Variants in NBAS observed in about 807,000 individuals in gnomAD.
The protein encoded by NBAS is NBAS subunit of NRZ tethering complex, also known as NAG/BC035112 fusion.
NBAS carries 219 observed loss-of-function variants against 302.5 expected under a neutral mutation model. The observed-to-expected ratio is 0.72, with a 90% confidence interval of 0.65 to 0.81. The LOEUF is 0.81. NBAS is among the 30% of genes least tolerant of loss of function. The probability of loss-of-function intolerance (pLI) is 0.00; values close to 1 mark genes in which losing one functional copy is unlikely to be tolerated. For synonymous variants in NBAS, 1,118 were observed against 1,021.6 expected (o/e 1.09, Z -1.80); for missense variants, 2,932 against 2,841.6 (o/e 1.03, Z -0.72).
intron 12 of NBAS, chr2:15,483,467 T>TA: frequency 3.9e-6 from 1 of 253,878 alleles, no homozygotes; most frequent in Non-Finnish European, 8.3e-6. Flanking sequence ...TAATAAAACT[T>TA]GAGAGAAAAA....
chr2:15,081,369 C>T, the NBAS span, among the ~76,000 whole-genome samples: 3 of 152,192 alleles, frequency 2.0e-5, no homozygotes, highest in Non-Finnish European at 4.4e-5. Flanking sequence ...AAACTCAGGT[C>T]GTTTATGGAT....
At chr2:14,990,899 G>A in the NBAS span, among the ~76,000 whole-genome samples, 1 of 152,192 alleles carries the variant, frequency 6.6e-6, no homozygotes, top group Non-Finnish European at 1.5e-5. Context: ...GGAAACAAAT[G>A]AAGAAATAGA....
At chr2:15,243,128 T>G (rs1421364998) in intron 44 of NBAS, among the ~76,000 whole-genome samples, 2 of 152,176 alleles carry the variant, frequency 1.3e-5, no homozygotes, top group African/African-American at 4.8e-5. Context: ...TAAAGAGCAC[T>G]GCAACGGTTC....
the NBAS span, among the ~76,000 whole-genome samples, chr2:14,955,851 G>T: frequency 1.3e-5 from 2 of 152,164 alleles, no homozygotes; most frequent in Non-Finnish European, 2.9e-5. Flanking sequence ...TGATAAGAGG[G>T]ACTGCCATGA....
intron 14 of NBAS, among the ~76,000 whole-genome samples, chr2:15,474,549 TTTC>T (rs57852145): frequency 6.4e-4 from 95 of 147,812 alleles, no homozygotes; most frequent in African/African-American, 1.5e-3. Flanking sequence ...AGCCTGTTTT[TTTC>T]TTCTTCTTCT....
the NBAS span, among the ~76,000 whole-genome samples, chr2:14,898,408 C>A: frequency 4.6e-5 from 7 of 152,150 alleles, no homozygotes; most frequent in African/African-American, 1.7e-4. Context: ...CCATTAAAAA[C>A]AACAAATGGC....
intron 48 of NBAS, among the ~76,000 whole-genome samples, chr2:15,207,210 T>G (rs1392915201): frequency 1.3e-5 from 2 of 152,234 alleles, no homozygotes; most frequent in South Asian, 2.1e-4. Context: ...AAGATGAATT[T>G]GGAGCTTTAA....
chr2:14,878,871 A>T, the NBAS span, among the ~76,000 whole-genome samples: 3 of 152,160 alleles, frequency 2.0e-5, no homozygotes, highest in Admixed American at 6.5e-5. Flanking sequence ...CTATGGGTTT[A>T]GACAAACATA....
In NBAS at chr2:15,462,005, G is replaced by A. The variant is rs541922864; in HGVS notation, c.2098-214C>T. Among the ~76,000 whole-genome samples the A allele has an allele frequency of 1.2e-4, 18 of 151,964 alleles. No individual in the cohort carries two copies. In the East Asian group the frequency reaches 3.1e-3, roughly 26 times the overall value. Reference sequence around the variant, plus strand: ...TTAATAAATGTTATTTTTTTAATCCGGAAGTAAATGAAATAGGCAGTAAAA... The same window carrying A: ...TTAATAAATGTTATTTTTTTAATCCAGAAGTAAATGAAATAGGCAGTAAAA... On this transcript the variant is annotated intron_variant, in intron 19 of 51. Coordinates refer to ENST00000281513, the MANE Select transcript of NBAS (RefSeq NM_015909.4).
the NBAS span, among the ~76,000 whole-genome samples, chr2:15,123,112 C>T: frequency 6.6e-6 from 1 of 152,158 alleles, no homozygotes; most frequent in Non-Finnish European, 1.5e-5. Context: ...AGCCTGGGAG[C>T]AGCAGGCTTT....
the NBAS span, among the ~76,000 whole-genome samples, chr2:15,153,275 T>C: frequency 6.6e-6 from 1 of 152,166 alleles, no homozygotes; most frequent in Non-Finnish European, 1.5e-5. Context: ...CATAGGCAGA[T>C]ACAATACATT....
chr2:14,848,382 G>A, the NBAS span, among the ~76,000 whole-genome samples: 33 of 136,668 alleles, frequency 2.4e-4, 3 homozygotes, highest in South Asian at 2.6e-3. Context: ...GCTTAAAAAC[G>A]GCGCACCACG....
chr2:15,032,340 T>G, the NBAS span, among the ~76,000 whole-genome samples: 6 of 152,174 alleles, frequency 3.9e-5, no homozygotes, highest in Non-Finnish European at 8.8e-5. Context: ...TCTGATGAGG[T>G]CTCCAGTGGA....
At chr2:15,081,829 G>A in the NBAS span, among the ~76,000 whole-genome samples, 1 of 152,190 alleles carries the variant, frequency 6.6e-6, no homozygotes, top group Non-Finnish European at 1.5e-5. Flanking sequence ...TGCCTGGAAG[G>A]ATGGCCTTTT....
the NBAS span, among the ~76,000 whole-genome samples, chr2:14,860,444 T>C: frequency 6.6e-6 from 1 of 152,162 alleles, no homozygotes; most frequent in Admixed American, 6.6e-5. Context: ...TGCCCATCAA[T>C]TGATAAATGG....
the NBAS span, among the ~76,000 whole-genome samples, chr2:15,113,405 T>C: frequency 1.4e-5 from 2 of 147,006 alleles, no homozygotes; most frequent in African/African-American, 4.9e-5. Context: ...ACAATGCCAA[T>C]CTATTGTTTC....
At chr2:15,300,874 T>C (rs1572617431) in intron 40 of NBAS, among the ~76,000 whole-genome samples, 1 of 152,210 alleles carries the variant, frequency 6.6e-6, no homozygotes, top group East Asian at 1.9e-4. Context: ...AAGGAAGAAG[T>C]ATTTCAGATG....
chr2:15,059,969 A>C, the NBAS span, among the ~76,000 whole-genome samples: 1 of 43,818 alleles, frequency 2.3e-5, no homozygotes, highest in East Asian at 5.5e-4. Flanking sequence ...AAAAACAAAA[A>C]AAAAAACAAA....
rs149454221 is a variant in NBAS, at chr2:15,322,927, T to C, written c.4582+4823A>G. Among the ~76,000 whole-genome samples, 62 of 152,270 alleles carry C rather than the reference T, an allele frequency of 4.1e-4. 1 individual carries two copies. Among genetic ancestry groups the C allele is most frequent in the Admixed American group, 1.8e-3 (28 of 15,296 alleles). On this transcript the variant is annotated intron_variant, in intron 38 of 51. Coordinates refer to ENST00000281513, the MANE Select transcript of NBAS (RefSeq NM_015909.4). ...CCCAAATGTAAATAAAAGAGATTAT[T>C]ATTATTAAAATCACCTCTATATTTA...
Sources: gnomAD v4.1 joint callset for allele counts (sites outside exome capture counted in the v4.1 genomes callset) on GRCh38, gnomAD v4.1.1 for gene constraint, MANE v1.5 for transcripts, NCBI Gene and HGNC (gene_info 2026-07-23, HGNC 2026-07-21) for gene names.